Variants in FAM83F observed in about 807,000 individuals in gnomAD.
FAM83F encodes protein FAM83F.
Under a neutral mutation model 42.9 loss-of-function variants are expected in FAM83F, and 45 were observed. That is an observed-to-expected ratio of 1.05 (90% CI 0.83 to 1.35). The LOEUF is 1.35. FAM83F is among the 40% of genes most tolerant of loss of function. FAM83F has a pLI of 0.00. For synonymous variants in FAM83F, 306 were observed against 298.3 expected (o/e 1.03, Z -0.27); for missense variants, 617 against 695.9 (o/e 0.89, Z 1.28).
At position 40,029,706 on chromosome 22, in the gene FAM83F, A is replaced by G; in HGVS notation, c.*141A>G. 8.1e-7 allele frequency: 1 copy of G among 1,239,734 alleles called. No individual in the cohort carries two copies. Among genetic ancestry groups the G allele is most frequent in the South Asian group, 1.5e-5 (1 of 66,026 alleles). 76.8% of individuals were successfully genotyped at this position (1,239,734 alleles called of 1,614,324 possible). A position where few individuals can be genotyped will look rare whatever the true frequency, so the allele number is the denominator to read the frequency against. Reference sequence around the variant, plus strand: ...GCCCTGCAGCCTCCGTCCTGGCCTCAGGGACGCTGGATCCCAAATGAGAGG... The same window carrying G: ...GCCCTGCAGCCTCCGTCCTGGCCTCGGGGACGCTGGATCCCAAATGAGAGG... On this transcript the variant is annotated 3_prime_UTR_variant, in exon 5 of 5. Coordinates refer to ENST00000333407, the MANE Select transcript of FAM83F (RefSeq NM_138435.4).
chr22:40,022,125 A>C (rs2067526958), intron 4 of FAM83F, among the ~76,000 whole-genome samples, 162 bp downstream of exon 4: 1 of 152,188 alleles, frequency 6.6e-6, no homozygotes, highest in Non-Finnish European at 1.5e-5. Context: ...CTTGGTTCCC[A>C]TTCTGGCCCC....
In FAM83F at chr22:40,023,490, A is replaced by G. The variant is rs1018062437; in HGVS notation, c.1453+1527A>G. On this transcript the variant is annotated intron_variant, in intron 4 of 4. Coordinates refer to ENST00000333407, the MANE Select transcript of FAM83F (RefSeq NM_138435.4). This position sits in a 1 kb window ranked among gnomAD's most constrained non-coding sequence, Gnocchi z 4.1. ...AGGGGGCGAGCCGACAGCAGCAAGG[A>G]CTATTTCCCGAGTCCTGACTGAAGT... Among the ~76,000 whole-genome samples the G allele has an allele frequency of 6.6e-6, 1 of 152,060 alleles. No homozygotes were observed. Among genetic ancestry groups the G allele is most frequent in the Non-Finnish European group, 1.5e-5 (1 of 67,990 alleles).
chr22:40,013,935 CT>C (rs1304335989), intron 1 of FAM83F, among the ~76,000 whole-genome samples: 1 of 150,594 alleles, frequency 6.6e-6, no homozygotes, highest in African/African-American at 2.4e-5. Context: ...TTTTTTCTTT[CT>C]TTTGGTTGAT....
chr22:40,002,229 A>G (rs1179068280), intron 1 of FAM83F, among the ~76,000 whole-genome samples: 2 of 152,198 alleles, frequency 1.3e-5, no homozygotes, highest in Non-Finnish European at 2.9e-5. Context: ...CCCAGCCCAG[A>G]GAGCCCCAGG....
At chr22:39,997,355 C>G (rs2067377357) in intron 1 of FAM83F, among the ~76,000 whole-genome samples, 1 of 152,236 alleles carries the variant, frequency 6.6e-6, no homozygotes, top group African/African-American at 2.4e-5. Context: ...TGACAGGACT[C>G]TTTCCTGCAT....
rs1479726925 is a variant in FAM83F, at chr22:39,995,017, A to G, written c.-26A>G. ...CTCGGACCGCGGCGGGGCCGGGGCC[A>G]GGGCCGGGGCCGGGGCCGGGGCGCC... On this transcript the variant is annotated 5_prime_UTR_variant, in exon 1 of 5. Coordinates refer to ENST00000333407, the MANE Select transcript of FAM83F (RefSeq NM_138435.4). This position sits in a 1 kb window ranked among gnomAD's most constrained non-coding sequence, Gnocchi z 4.6. 2.7e-4 allele frequency: 340 copies of G among 1,249,166 alleles called. No individual in the cohort carries two copies. Among genetic ancestry groups the G allele is most frequent in the South Asian group, 2.6e-3 (79 of 30,616 alleles). The allele number at this position is 1,249,166 out of a possible 1,614,324, so 77.4% of individuals were successfully genotyped here. A position where few individuals can be genotyped will look rare whatever the true frequency, so the allele number is the denominator to read the frequency against.
At position 40,021,650 on chromosome 22, in the gene FAM83F, G is replaced by T. The variant is rs551543842; in HGVS notation, c.1140G>T (p.Thr380=). Residue 380 remains threonine (T), a synonymous_variant, in exon 4 of 5, where the codon ACG becomes ACT. Coordinates refer to ENST00000333407, the MANE Select transcript of FAM83F (RefSeq NM_138435.4). The surrounding 1 kb of genome is among the most constrained non-coding windows in gnomAD (Gnocchi z 8.7). ...RLESFLKDLV[T]VEQVLPPVEP... ...AGAGCTTCCTGAAAGACCTGGTTACGGTGGAGCAGGTGCTGCCCCCCGTGG... is the reference window on the plus strand; with the variant it reads ...AGAGCTTCCTGAAAGACCTGGTTACTGTGGAGCAGGTGCTGCCCCCCGTGG... 6.2e-7 allele frequency: 1 copy of T among 1,605,114 alleles called. No homozygotes were observed. Among genetic ancestry groups the T allele is most frequent in the African/African-American group, 1.3e-5 (1 of 74,848 alleles).
At chr22:40,000,292 C>A (rs558331110) in intron 1 of FAM83F, among the ~76,000 whole-genome samples, 1 of 152,206 alleles carries the variant, frequency 6.6e-6, no homozygotes, top group Admixed American at 6.5e-5. Context: ...GGGAAAGGCT[C>A]CAGAGCAGGA....
rs1296083957 is a variant in FAM83F at position 40,002,073 on chromosome 22, C to T, written c.489+6542C>T. ...TTCGGGAGGCTGTGGCGTTGGAATC[C>T]TCAGCCCAGGATCTATGCTGGGATC... On this transcript the variant is annotated intron_variant, in intron 1 of 4. Transcript: ENST00000333407. Among the ~76,000 whole-genome samples the T allele has an allele frequency of 4.6e-5, 7 of 152,268 alleles. No individual in the cohort carries two copies. The East Asian group carries it at 1.2e-3, about 25-fold the overall frequency.
At chr22:40,014,156 T>C (rs974156555) in intron 1 of FAM83F, among the ~76,000 whole-genome samples, 4 of 149,198 alleles carry the variant, frequency 2.7e-5, no homozygotes, top group Non-Finnish European at 5.9e-5. Flanking sequence ...TTTGTCTTAT[T>C]GCATAGGTGA....
At chr22:40,018,756 C>T (rs889213699) in intron 1 of FAM83F, among the ~76,000 whole-genome samples, 2 of 152,028 alleles carry the variant, frequency 1.3e-5, no homozygotes, top group African/African-American at 4.8e-5. Flanking sequence ...CATGCCCAGC[C>T]CATTTTTTGT....
intron 1 of FAM83F, among the ~76,000 whole-genome samples, chr22:39,997,296 AG>A: frequency 6.6e-6 from 1 of 152,346 alleles, no homozygotes; most frequent in South Asian, 2.1e-4. Flanking sequence ...TGTTACTAGA[AG>A]GGGGAGACTG....
At chr22:40,024,113 C>T (rs1326804731) in intron 4 of FAM83F, among the ~76,000 whole-genome samples, 2 of 152,220 alleles carry the variant, frequency 1.3e-5, no homozygotes, top group Non-Finnish European at 2.9e-5. Flanking sequence ...GATTCTCCCA[C>T]CTCAGCCTCC....
At chr22:40,028,072 C>G (rs1245676321) in intron 4 of FAM83F, among the ~76,000 whole-genome samples, 1 of 152,274 alleles carries the variant, frequency 6.6e-6, no homozygotes, top group East Asian at 1.9e-4. Flanking sequence ...TTTCATCCCA[C>G]TAGCAGAGCC....
In FAM83F at chr22:40,029,641, C is replaced by T. The variant is rs1320164948; in HGVS notation, c.*76C>T. On this transcript the variant is annotated 3_prime_UTR_variant, in exon 5 of 5. Transcript: ENST00000333407. ...TGTGCTGTGGAGAGCGCAGGTCGCA[C>T]ACTGCACCAGTTTGCACATCAGACG... 2 of 1,560,962 alleles carry T rather than the reference C, an allele frequency of 1.3e-6. No homozygotes were observed. Among genetic ancestry groups the T allele is most frequent in the Admixed American group, 1.9e-5 (1 of 53,238 alleles).
chr22:40,012,969 G>C (rs1254101633), intron 1 of FAM83F, among the ~76,000 whole-genome samples: 1 of 149,554 alleles, frequency 6.7e-6, no homozygotes, highest in Admixed American at 6.7e-5. Context: ...TGTAGTCCCA[G>C]CTACTCGGGA....
intron 4 of FAM83F, among the ~76,000 whole-genome samples, chr22:40,022,387 GCT>G (rs1254423816): frequency 6.6e-6 from 1 of 152,170 alleles, no homozygotes; most frequent in African/African-American, 2.4e-5. Flanking sequence ...CTCGACCCTG[GCT>G]CTGAGTTGAG....
At chr22:40,007,859 G>A (rs1458701507) in intron 1 of FAM83F, among the ~76,000 whole-genome samples, 1 of 152,184 alleles carries the variant, frequency 6.6e-6, no homozygotes, top group Non-Finnish European at 1.5e-5. Context: ...CTTGGTGACA[G>A]TCTTTGCAGT....
At chr22:40,009,362 G>A (rs573922483) in intron 1 of FAM83F, among the ~76,000 whole-genome samples, 5 of 152,312 alleles carry the variant, frequency 3.3e-5, no homozygotes, top group South Asian at 2.1e-4. Flanking sequence ...AGCCGCACCC[G>A]CCCGAGTCCT....
Sources: allele counts gnomAD v4.1 joint callset (sites outside exome capture counted in the v4.1 genomes callset), GRCh38; gene constraint gnomAD v4.1.1; non-coding constraint Gnocchi (gnomAD v3.1); transcripts MANE v1.5; gene names NCBI Gene and HGNC (gene_info 2026-07-23, HGNC 2026-07-21).